PLXDC2: variants seen among roughly 807,000 people sequenced by gnomAD.
PLXDC2 encodes the protein plexin domain containing 2.
A neutral mutation model predicts 68.9 loss-of-function variants in PLXDC2; 40 were observed. That is an observed-to-expected ratio of 0.58 (90% CI 0.45 to 0.76). The LOEUF (loss-of-function observed/expected upper bound fraction) is 0.76, where lower values mean the gene tolerates loss of function less well. PLXDC2 is among the 30% of genes least tolerant of loss of function. The pLI is 0.00. For synonymous variants in PLXDC2, 243 were observed against 234.2 expected, an observed-to-expected ratio of 1.04 and a Z score of -0.34; for missense variants, 644 against 661.9, an observed-to-expected ratio of 0.97 and a Z score of 0.30.
At chr10:19,974,542 A>G (rs1375662624) in intron 1 of PLXDC2, among the ~76,000 whole-genome samples, 1 of 152,252 alleles carries the variant, frequency 6.6e-6, no homozygotes, top group African/African-American at 2.4e-5. Flanking sequence ...GAAGTCAAGA[A>G]TTATCTTGTA....
At chr10:20,241,975 G>C (rs2119327907) in intron 12 of PLXDC2, among the ~76,000 whole-genome samples, 1 of 152,172 alleles carries the variant, frequency 6.6e-6, no homozygotes, top group African/African-American at 2.4e-5. Flanking sequence ...GATGGAGAAA[G>C]GGAGGATAAG....
At chr10:19,837,409 A>AGTGTGT (rs3043789) in intron 1 of PLXDC2, among the ~76,000 whole-genome samples, 36 of 82,594 alleles carry the variant, frequency 4.4e-4, no homozygotes, top group African/African-American at 1.1e-3. Context: ...AGAGAGAGAG[A>AGTGTGT]GTGTGTGTGT....
intron 12 of PLXDC2, among the ~76,000 whole-genome samples, chr10:20,234,551 G>C (rs572529901): frequency 4.0e-5 from 6 of 151,306 alleles, no homozygotes; most frequent in Admixed American, 1.3e-4. Flanking sequence ...TTTTCATTTT[G>C]TTTTCTTTCT....
At chr10:20,078,727 AATTAT>A (rs869135934) in intron 4 of PLXDC2, among the ~76,000 whole-genome samples, 1 of 59,880 alleles carries the variant, frequency 1.7e-5, no homozygotes. Context: ...TTGTAATAAT[AATTAT>A]AAGGAGTGAG....
chr10:19,960,724 G>A (rs1834142459), intron 1 of PLXDC2, among the ~76,000 whole-genome samples: 1 of 150,850 alleles, frequency 6.6e-6, no homozygotes, highest in South Asian at 2.1e-4. Flanking sequence ...AAGGAATTGT[G>A]GTGCCTGATT....
rs183634910 is a variant in PLXDC2 at position 20,223,803 on chromosome 10, C to A, written c.1312+4701C>A. 1.2e-3 allele frequency among the ~76,000 whole-genome samples: 179 copies of A among 152,166 alleles called. 1 individual carries two copies. Among genetic ancestry groups the A allele is most frequent in the Middle Eastern group, 3.4e-3 (1 of 294 alleles). On this transcript the variant is annotated intron_variant, in intron 12 of 13. Transcript: ENST00000377252. Reference sequence around the variant, plus strand: ...CTGTGAAAATCACAACGCATTAATTCTCTTGTGTGTTTCAGTGTTGTCAGA... The same window carrying A: ...CTGTGAAAATCACAACGCATTAATTATCTTGTGTGTTTCAGTGTTGTCAGA...
At chr10:19,884,664 C>T (rs913678849) in intron 1 of PLXDC2, among the ~76,000 whole-genome samples, 2 of 152,154 alleles carry the variant, frequency 1.3e-5, no homozygotes, top group African/African-American at 2.4e-5. Flanking sequence ...TCATCCATGT[C>T]CCTACGAAGG....
intron 4 of PLXDC2, among the ~76,000 whole-genome samples, chr10:20,070,361 A>T (rs1001572701): frequency 1.3e-5 from 2 of 152,230 alleles, no homozygotes; most frequent in Non-Finnish European, 2.9e-5. Context: ...CTTCAACCCA[A>T]GGAAAAGGAA....
intron 13 of PLXDC2, among the ~76,000 whole-genome samples, chr10:20,257,736 G>A (rs1835759680): frequency 1.3e-5 from 2 of 152,106 alleles, no homozygotes; most frequent in African/African-American, 4.8e-5. Flanking sequence ...ACAGAAGAAA[G>A]TGACATAGAG....
At chr10:20,124,125 C>T (rs982175381) in intron 4 of PLXDC2, among the ~76,000 whole-genome samples, 3 of 152,102 alleles carry the variant, frequency 2.0e-5, no homozygotes, top group Non-Finnish European at 4.4e-5. Flanking sequence ...GGTGTCCCTG[C>T]ATGGTCTGAC....
intron 1 of PLXDC2, among the ~76,000 whole-genome samples, chr10:19,832,511 C>T (rs2481937): frequency 0.27 from 41,519 of 152,126 alleles, 6,456 homozygotes; most frequent in East Asian, 0.48. Flanking sequence ...GTGCTTAAAA[C>T]ATATGACATT....
intron 1 of PLXDC2, among the ~76,000 whole-genome samples, chr10:19,898,045 GTTTA>G (rs1279894428): frequency 4.6e-5 from 7 of 152,006 alleles, no homozygotes; most frequent in East Asian, 3.9e-4. Flanking sequence ...ATACTTGAAA[GTTTA>G]TTTATTATTG....
intron 6 of PLXDC2, among the ~76,000 whole-genome samples, chr10:20,153,928 C>G (rs1589655843): frequency 6.6e-6 from 1 of 152,040 alleles, no homozygotes; most frequent in African/African-American, 2.4e-5. Context: ...ATTATCATAC[C>G]ATAGCCTAAT....
intron 4 of PLXDC2, among the ~76,000 whole-genome samples, chr10:20,134,918 C>A (rs903757966): frequency 1.3e-5 from 2 of 152,170 alleles, no homozygotes; most frequent in African/African-American, 4.8e-5. Flanking sequence ...TGGTGCTGCT[C>A]ACTTTACTCA....
At chr10:19,910,168 T>TTA (rs3043811) in intron 1 of PLXDC2, among the ~76,000 whole-genome samples, 6,746 of 145,100 alleles carry the variant, frequency 0.046, 157 homozygotes, top group Admixed American at 0.088. Context: ...TTGTACACTT[T>TTA]TATATATATA....
chr10:20,147,723 C>A, intron 5 of PLXDC2, 61 bp from the exon 6 acceptor site: 6 of 1,063,040 alleles, frequency 5.6e-6, no homozygotes, highest in Non-Finnish European at 7.0e-6. Flanking sequence ...TGAAAACTCC[C>A]ACCAGAATTG....
At chr10:20,098,883 G>A (rs984385842) in intron 4 of PLXDC2, among the ~76,000 whole-genome samples, 3 of 152,212 alleles carry the variant, frequency 2.0e-5, no homozygotes, top group South Asian at 2.1e-4. Context: ...TAACATTTTC[G>A]TGGGCCCTAT....
intron 13 of PLXDC2, among the ~76,000 whole-genome samples, chr10:20,249,246 A>G (rs532577402): frequency 1.0e-3 from 158 of 152,306 alleles, no homozygotes; most frequent in Non-Finnish European, 2.0e-3. Flanking sequence ...GGTAACTCGG[A>G]ATGCACTGAG....
At chr10:19,883,069 G>A (rs926718895) in intron 1 of PLXDC2, among the ~76,000 whole-genome samples, 2 of 150,258 alleles carry the variant, frequency 1.3e-5, no homozygotes, top group Non-Finnish European at 2.9e-5. Flanking sequence ...CCGTTCTCCT[G>A]CCTCAGCCTC....
Sources: allele counts gnomAD v4.1 joint callset (sites outside exome capture counted in the v4.1 genomes callset), GRCh38; gene constraint gnomAD v4.1.1; transcripts MANE v1.5; gene names NCBI Gene and HGNC (gene_info 2026-07-23, HGNC 2026-07-21).